Variants in PRKX observed in about 807,000 individuals in gnomAD.
The protein encoded by PRKX is cAMP-dependent protein kinase catalytic subunit PRKX.
A neutral mutation model predicts 22.0 loss-of-function variants in PRKX; 12 were observed. That is an observed-to-expected ratio of 0.54 (90% CI 0.35 to 0.88). The LOEUF (loss-of-function observed/expected upper bound fraction) is 0.88, where lower values mean the gene tolerates loss of function less well. Ranked by LOEUF, PRKX falls within the 40% of genes least tolerant of loss-of-function variation. The pLI, the probability that PRKX is intolerant of heterozygous loss-of-function variation, is 0.01. For missense variants in PRKX, 217 were observed against 308.0 expected (o/e 0.70, Z 2.21); for synonymous variants, 134 against 137.7 (o/e 0.97, Z 0.19).
At chrX:3,669,070 G>A (rs1023507803) in intron 2 of PRKX, among the ~76,000 whole-genome samples, 4 of 112,179 alleles carry the variant, frequency 3.6e-5, no homozygotes, top group African/African-American at 1.3e-4. Context: ...AGCCCCAAAT[G>A]TCAGCAGTGC....
intron 1 of PRKX, among the ~76,000 whole-genome samples, chrX:3,685,271 C>A (rs1390883312): frequency 1.9e-5 from 2 of 105,772 alleles, no homozygotes; most frequent in Admixed American, 2.0e-4. Flanking sequence ...ATCCTCCTTT[C>A]TCCCTTCCTT....
intron 1 of PRKX, among the ~76,000 whole-genome samples, chrX:3,683,700 G>A (rs1005895539): frequency 5.9e-4 from 66 of 111,199 alleles, no homozygotes; most frequent in African/African-American, 2.0e-3. Flanking sequence ...TTACCCAGGT[G>A]TGGTGGTGCA....
At chrX:3,636,500 G>A (rs1926889327) in intron 4 of PRKX, among the ~76,000 whole-genome samples, 1 of 112,936 alleles carries the variant, frequency 8.9e-6, no homozygotes, top group African/African-American at 3.2e-5. Context: ...AGGAGAACAG[G>A]GGAGGCCCCA....
chrX:3,646,985 G>A (rs1484098881), intron 3 of PRKX, among the ~76,000 whole-genome samples: 2 of 110,705 alleles, frequency 1.8e-5, no homozygotes, highest in African/African-American at 3.3e-5. Context: ...TAACAACACC[G>A]ACTGCAAACA....
At chrX:3,691,377 G>A (rs1054209640) in intron 1 of PRKX, among the ~76,000 whole-genome samples, 1 of 110,934 alleles carries the variant, frequency 9.0e-6, no homozygotes. Context: ...AGCCTCTCTG[G>A]GCATAGAGGA....
chrX:3,635,882 C>T (rs1393988417), intron 4 of PRKX, among the ~76,000 whole-genome samples: 8 of 111,933 alleles, frequency 7.1e-5, no homozygotes, highest in Admixed American at 5.7e-4. Flanking sequence ...TGAACCACCA[C>T]GTCCAGCCTT....
At chrX:3,641,180 G>A (rs1213554506) in intron 4 of PRKX, among the ~76,000 whole-genome samples, 1 of 111,966 alleles carries the variant, frequency 8.9e-6, no homozygotes. Flanking sequence ...TTCACTTTAT[G>A]GACTTTCCCC....
At chrX:3,707,102 T>G (rs1928701168) in intron 1 of PRKX, among the ~76,000 whole-genome samples, 1 of 111,508 alleles carries the variant, frequency 9.0e-6, no homozygotes. Context: ...CACCCCAGCC[T>G]GGGCGACAGA....
chrX:3,662,612 G>A (rs1433480658), intron 2 of PRKX, among the ~76,000 whole-genome samples: 3 of 101,860 alleles, frequency 2.9e-5, no homozygotes, highest in African/African-American at 1.1e-4. Context: ...GGAGAATGGC[G>A]TGAACCTGGG....
intron 1 of PRKX, among the ~76,000 whole-genome samples, chrX:3,702,779 TA>T (rs1408744617): frequency 9.7e-6 from 1 of 103,319 alleles, no homozygotes. Context: ...CTGAAGCCTC[TA>T]CCTCCCGAGC....
intron 2 of PRKX, 112 bp from the exon 3 acceptor site, chrX:3,655,524 A>T (rs762395813): frequency 3.9e-5 from 34 of 862,389 alleles, no homozygotes; most frequent in South Asian, 1.2e-4. Flanking sequence ...GTGTGTACAG[A>T]CAGACAGTAA....
intron 6 of PRKX, among the ~76,000 whole-genome samples, chrX:3,617,529 C>G (rs988019659): frequency 1.8e-5 from 2 of 110,324 alleles, no homozygotes; most frequent in African/African-American, 6.6e-5. Context: ...GCACTGAGTC[C>G]CAGCTACTCG....
chrX:3,641,102 GCCCTCA>G (rs1927069769), intron 4 of PRKX, among the ~76,000 whole-genome samples: 1 of 111,742 alleles, frequency 8.9e-6, no homozygotes, highest in South Asian at 3.7e-4. Context: ...CCAAACAGCA[GCCCTCA>G]GGGCTGCTCT....
chrX:3,639,882 C>G (rs1180973344), intron 4 of PRKX, among the ~76,000 whole-genome samples: 4 of 111,079 alleles, frequency 3.6e-5, no homozygotes, highest in Non-Finnish European at 7.5e-5. Context: ...AAGTCAGCGA[C>G]TGCCTGGATT....
At chrX:3,617,230 T>TTATA (rs34371098) in intron 6 of PRKX, among the ~76,000 whole-genome samples, 12,615 of 107,957 alleles carry the variant, frequency 0.12, 759 homozygotes, top group Non-Finnish European at 0.17. Context: ...TACACATGTA[T>TTATA]TATATATATA....
At chrX:3,690,330 C>T in intron 1 of PRKX, among the ~76,000 whole-genome samples, 1 of 112,110 alleles carries the variant, frequency 8.9e-6, no homozygotes, top group East Asian at 2.8e-4. Flanking sequence ...CAAAATTTTG[C>T]TGAGTCAAAC....
chrX:3,689,754 G>C (rs188354777), intron 1 of PRKX, among the ~76,000 whole-genome samples: 1 of 111,874 alleles, frequency 8.9e-6, no homozygotes. Flanking sequence ...AAGGCGGGCG[G>C]ATCACAAGGT....
chrX:3,625,152 A>G (rs1019042509), intron 5 of PRKX, among the ~76,000 whole-genome samples: 2 of 111,611 alleles, frequency 1.8e-5, no homozygotes, highest in Non-Finnish European at 3.8e-5. Context: ...TTTTCTTGCT[A>G]AAGTCTTTTA....
chrX:3,650,947 TG>T (rs1185052965), intron 3 of PRKX, among the ~76,000 whole-genome samples: 10 of 108,590 alleles, frequency 9.2e-5, no homozygotes, highest in Non-Finnish European at 1.7e-4. Context: ...CCATCTATTC[TG>T]TAGTGGTCCA....
Sources: gnomAD v4.1 joint callset for allele counts (sites outside exome capture counted in the v4.1 genomes callset) on GRCh38, gnomAD v4.1.1 for gene constraint, MANE v1.5 for transcripts, NCBI Gene and HGNC (gene_info 2026-07-23, HGNC 2026-07-21) for gene names.